Variants in SSUH2 observed in about 807,000 individuals in gnomAD.
The protein encoded by SSUH2 is ssu-2 homolog.
Under a neutral mutation model 55.3 loss-of-function variants are expected in SSUH2, and 47 were observed. That is an observed-to-expected ratio of 0.85 (90% confidence interval 0.67 to 1.08). SSUH2 has a LOEUF of 1.08. Among genes scored for constraint, SSUH2 ranks in the 50% least tolerant of loss-of-function variants. SSUH2 has a pLI of 0.00. For missense variants in SSUH2, 535 were observed against 490.7 expected, an observed-to-expected ratio of 1.09 and a Z score of -0.85; for synonymous variants, 212 against 191.5, an observed-to-expected ratio of 1.11 and a Z score of -0.89.
intron 5 of SSUH2, among the ~76,000 whole-genome samples, chr3:8,664,731 G>A (rs186607838): frequency 7.2e-5 from 11 of 152,266 alleles, no homozygotes; most frequent in Non-Finnish European, 1.0e-4. Context: ...GCCTTCCAAC[G>A]GGCCCTTGGC....
In SSUH2 at chr3:8,619,768, T is replaced by C. The variant is rs957354273; in HGVS notation, c.*100A>G. 2 of 1,418,912 alleles carry C rather than the reference T, an allele frequency of 1.4e-6. No individual in the cohort carries two copies. Among genetic ancestry groups the C allele is most frequent in the Non-Finnish European group, 1.9e-6 (2 of 1,039,400 alleles). 87.9% of individuals were successfully genotyped at this position (1,418,912 alleles called of 1,614,324 possible). A position where few individuals can be genotyped will look rare whatever the true frequency, so the allele number is the denominator to read the frequency against. On this transcript the variant is annotated 3_prime_UTR_variant, in exon 12 of 12. Transcript: ENST00000544814. ...CTGGAAGGACATGCCAGGGTTTGTA[T>C]GTGATTGTCCAATGCAGCCAACAGT...
intron 5 of SSUH2, 78 bp downstream of exon 5, chr3:8,631,971 G>C (rs1400560853): frequency 8.4e-7 from 1 of 1,190,222 alleles, no homozygotes; most frequent in African/African-American, 1.5e-5. Flanking sequence ...ATGAGTGCCT[G>C]AGCCAAGTCC....
intron 2 of SSUH2, among the ~76,000 whole-genome samples, chr3:8,679,422 G>T (rs575161660): frequency 1.7e-4 from 23 of 135,616 alleles, no homozygotes; most frequent in East Asian, 5.1e-4. Flanking sequence ...TTCCCCCCCT[G>T]GCTCTTAGGA....
At chr3:8,663,190 A>G (rs901859180) in intron 6 of SSUH2, among the ~76,000 whole-genome samples, 1 of 152,252 alleles carries the variant, frequency 6.6e-6, no homozygotes, top group Non-Finnish European at 1.5e-5. Flanking sequence ...TTTACAGCTC[A>G]TAAAGCTAAA....
chr3:8,663,375 G>C (rs769373457), intron 6 of SSUH2, among the ~76,000 whole-genome samples: 1 of 152,252 alleles, frequency 6.6e-6, no homozygotes, highest in Admixed American at 6.5e-5. Flanking sequence ...GCAATGCATG[G>C]GCTGAGCCCA....
chr3:8,644,919 C>T, upstream of SSUH2: 1 of 680,394 alleles, frequency 1.5e-6, no homozygotes, highest in Non-Finnish European at 2.6e-6. Context: ...ATAGCAGCTG[C>T]TCTGCACCCA....
chr3:8,681,597 C>T (rs1005979003), intron 1 of SSUH2, among the ~76,000 whole-genome samples: 1 of 151,080 alleles, frequency 6.6e-6, no homozygotes, highest in Non-Finnish European at 1.5e-5. Context: ...GAGCCAGCCA[C>T]TCTTTTCCCC....
At chr3:8,667,654 C>G (rs772148365) in intron 5 of SSUH2, among the ~76,000 whole-genome samples, 28 of 152,228 alleles carry the variant, frequency 1.8e-4, no homozygotes, top group Non-Finnish European at 2.8e-4. Flanking sequence ...CTTCATTACA[C>G]AGGCATGATT....
Position 8,619,751 on chromosome 3 carries a change from A to C in SSUH2, c.*117T>G. The C allele has an allele frequency of 1.6e-6, 2 of 1,255,240 alleles. No homozygotes were observed. The highest frequency in any genetic ancestry group is 2.8e-4 in the Middle Eastern group (1 of 3,584). 77.8% of individuals were successfully genotyped at this position (1,255,240 alleles called of 1,614,324 possible). The stretch of plus-strand genomic sequence containing the variant: ...ATGATAAGCTGGTTTTTCTGGAAGG[A>C]CATGCCAGGGTTTGTATGTGATTGT... On this transcript the variant is annotated 3_prime_UTR_variant, in exon 12 of 12. Transcript: ENST00000544814.
At chr3:8,628,647 G>C (rs1419451666) in intron 7 of SSUH2, among the ~76,000 whole-genome samples, 2 of 152,196 alleles carry the variant, frequency 1.3e-5, no homozygotes, top group African/African-American at 2.4e-5. Context: ...CAGGGAGAAG[G>C]CTGGGTGACA....
intron 7 of SSUH2, 41 bp downstream of exon 7, chr3:8,629,623 C>T: frequency 3.1e-6 from 2 of 646,500 alleles, no homozygotes; most frequent in Admixed American, 2.7e-5. Flanking sequence ...CCCCGGCCAC[C>T]ACACCCTCAC....
At chr3:8,629,513 G>A (rs1469931876) in intron 7 of SSUH2, 151 bp downstream of exon 7, 18 of 648,678 alleles carry the variant, frequency 2.8e-5, no homozygotes, top group East Asian at 8.0e-5. Flanking sequence ...TTTTATAGAC[G>A]GGAAAATGGA....
chr3:8,627,724 C>A lies in SSUH2; in HGVS notation c.648G>T (p.Gln216His). 6.2e-7 allele frequency: 1 copy of A among 1,608,778 alleles called. No individual in the cohort carries two copies. The highest frequency in any genetic ancestry group is 8.5e-7 in the Non-Finnish European group (1 of 1,177,528). Residue 216 changes from glutamine (Q) to histidine (H), a missense_variant, in exon 8 of 12, where the codon CAG becomes CAT. Coordinates refer to ENST00000544814, the MANE Select transcript of SSUH2 (RefSeq NM_001256748.3). ...TTCGCCTGCCGGACCCCGCGCACAG[C>A]TGACATCTCCGGGACTGCTTGGCTT... ...KRKAKQSRRC[Q>H]LCAGSGRRRC...
chr3:8,660,134 G>A (rs938948836), intron 6 of SSUH2, among the ~76,000 whole-genome samples: 19 of 152,168 alleles, frequency 1.2e-4, no homozygotes, highest in Non-Finnish European at 2.2e-4. Flanking sequence ...TTCCTAACAG[G>A]CAGGGTTGGG....
chr3:8,681,124 C>A (rs1174482340), intron 1 of SSUH2, among the ~76,000 whole-genome samples: 1 of 97,572 alleles, frequency 1.0e-5, no homozygotes, highest in African/African-American at 2.9e-5. Context: ...TGAGAGCCAG[C>A]CCCTCTTCCC....
chr3:8,628,855 G>A (rs1173803584), intron 7 of SSUH2, among the ~76,000 whole-genome samples: 1 of 152,076 alleles, frequency 6.6e-6, no homozygotes, highest in African/African-American at 2.4e-5. Context: ...TGTTGCTGTT[G>A]TTTGTTTTTT....
intron 5 of SSUH2, among the ~76,000 whole-genome samples, chr3:8,670,782 G>A (rs1028064844): frequency 6.6e-5 from 10 of 151,960 alleles, no homozygotes; most frequent in African/African-American, 1.5e-4. Flanking sequence ...AGGATATGAC[G>A]ATTCATATCA....
At chr3:8,622,916 G>A (rs561410251) in intron 11 of SSUH2, among the ~76,000 whole-genome samples, 3 of 152,144 alleles carry the variant, frequency 2.0e-5, no homozygotes, top group Admixed American at 6.5e-5. Flanking sequence ...TGCAGGAAAC[G>A]CAGGATCTCA....
At chr3:8,648,043 C>CT (rs1701932186), upstream of SSUH2, among the ~76,000 whole-genome samples, 2 of 152,316 alleles carry the variant, frequency 1.3e-5, no homozygotes, top group South Asian at 4.1e-4. Flanking sequence ...TCGTGGACCT[C>CT]TAACTGCACA....
Sources: allele counts gnomAD v4.1 joint callset (sites outside exome capture counted in the v4.1 genomes callset), GRCh38; gene constraint gnomAD v4.1.1; transcripts MANE v1.5; gene names NCBI Gene and HGNC (gene_info 2026-07-23, HGNC 2026-07-21).